Variants in C1QTNF3 observed in about 807,000 individuals in gnomAD.
The protein encoded by C1QTNF3 is complement C1q tumor necrosis factor-related protein 3.
C1QTNF3 carries 26 observed loss-of-function variants against 32.6 expected under a neutral mutation model. The ratio of observed to expected loss-of-function variants is 0.80; its 90% CI spans 0.58 to 1.11. The LOEUF (loss-of-function observed/expected upper bound fraction) is 1.11. Ranked by LOEUF, C1QTNF3 falls within the 50% of genes least tolerant of loss-of-function variation. The probability of loss-of-function intolerance (pLI) is 0.00; values close to 1 mark genes in which losing one functional copy is unlikely to be tolerated. For synonymous variants in C1QTNF3, 155 were observed against 146.0 expected (o/e 1.06, Z -0.44); for missense variants, 362 against 398.2 (o/e 0.91, Z 0.77).
At chr5:34,231,086 C>T in the C1QTNF3 span, among the ~76,000 whole-genome samples, 4 of 152,170 alleles carry the variant, frequency 2.6e-5, no homozygotes, top group Admixed American at 6.5e-5. Flanking sequence ...TCCTCTCACT[C>T]TTCCCTGCTG....
At chr5:34,189,810 G>A in the C1QTNF3 span, among the ~76,000 whole-genome samples, 4 of 152,170 alleles carry the variant, frequency 2.6e-5, no homozygotes, top group African/African-American at 7.2e-5. Context: ...GGATCTCCCC[G>A]TTGCTCCTGC....
At chr5:34,034,005 A>G (rs1330620986) in intron 2 of C1QTNF3, among the ~76,000 whole-genome samples, 1 of 152,174 alleles carries the variant, frequency 6.6e-6, no homozygotes, top group Non-Finnish European at 1.5e-5. Flanking sequence ...TTACAAAAAT[A>G]GAAATTAAAA....
the C1QTNF3 span, among the ~76,000 whole-genome samples, chr5:34,108,774 C>CA: frequency 1.4e-5 from 2 of 147,824 alleles, no homozygotes; most frequent in Non-Finnish European, 3.0e-5. Flanking sequence ...ACTAAAAGAA[C>CA]AATAATAAAA....
At chr5:34,107,559 TAATTAAGAAAATTAAG>T in the C1QTNF3 span, among the ~76,000 whole-genome samples, 2 of 151,966 alleles carry the variant, frequency 1.3e-5, no homozygotes, top group African/African-American at 2.4e-5. Context: ...AATTAATTAT[TAATTAAGAAAATTAAG>T]AATTAAGAAA....
the C1QTNF3 span, among the ~76,000 whole-genome samples, chr5:34,121,514 T>C: frequency 6.6e-6 from 1 of 152,112 alleles, no homozygotes; most frequent in Non-Finnish European, 1.5e-5. Context: ...AGAAGACTTA[T>C]TCACTATCAT....
intron 3 of C1QTNF3, among the ~76,000 whole-genome samples, chr5:34,029,238 A>G (rs892657797): frequency 2.0e-4 from 31 of 152,148 alleles, no homozygotes; most frequent in African/African-American, 7.2e-4. Flanking sequence ...GAGAAACCCT[A>G]TAGCCAAACA....
chr5:34,126,249 AG>A, the C1QTNF3 span, among the ~76,000 whole-genome samples: 2 of 151,994 alleles, frequency 1.3e-5, no homozygotes, highest in African/African-American at 4.8e-5. Flanking sequence ...CTGGAGTAAT[AG>A]GAAGTACACA....
chr5:34,205,673 C>T, the C1QTNF3 span, among the ~76,000 whole-genome samples: 1 of 150,998 alleles, frequency 6.6e-6, no homozygotes, highest in Non-Finnish European at 1.5e-5. Flanking sequence ...TATAAATTAC[C>T]TAGGATCAGG....
chr5:34,051,363 C>T, the C1QTNF3 span, among the ~76,000 whole-genome samples: 65 of 152,144 alleles, frequency 4.3e-4, no homozygotes, highest in African/African-American at 1.6e-3. Flanking sequence ...ACTTAATACT[C>T]TACATATCTG....
chr5:34,139,967 C>A, the C1QTNF3 span, among the ~76,000 whole-genome samples: 224 of 152,196 alleles, frequency 1.5e-3, 1 homozygote, highest in African/African-American at 5.0e-3. Flanking sequence ...AACAAAATGT[C>A]AATATTCATT....
At chr5:34,132,816 T>C in the C1QTNF3 span, among the ~76,000 whole-genome samples, 7 of 152,300 alleles carry the variant, frequency 4.6e-5, no homozygotes, top group South Asian at 1.4e-3. Flanking sequence ...GCTCTGTAAC[T>C]ACTACATTCA....
At chr5:34,230,666 T>C in the C1QTNF3 span, among the ~76,000 whole-genome samples, 11 of 152,330 alleles carry the variant, frequency 7.2e-5, no homozygotes, top group South Asian at 1.9e-3. Flanking sequence ...ATTTTACATA[T>C]AGCGTAAATC....
chr5:34,022,668 C>T (rs908537877), intron 5 of C1QTNF3, among the ~76,000 whole-genome samples: 2 of 152,196 alleles, frequency 1.3e-5, no homozygotes, highest in Admixed American at 6.5e-5. Flanking sequence ...ATTGGCACTG[C>T]AATTCCATGT....
chr5:34,103,893 C>A, the C1QTNF3 span, among the ~76,000 whole-genome samples: 5 of 151,862 alleles, frequency 3.3e-5, no homozygotes, highest in South Asian at 8.3e-4. Flanking sequence ...GAGTTACTTC[C>A]TGCATAGAGA....
chr5:34,121,385 C>T, the C1QTNF3 span, among the ~76,000 whole-genome samples: 1 of 152,082 alleles, frequency 6.6e-6, no homozygotes, highest in African/African-American at 2.4e-5. Context: ...AGGTACAGTT[C>T]CACATGGCTA....
the C1QTNF3 span, among the ~76,000 whole-genome samples, chr5:34,230,593 T>A: frequency 6.6e-6 from 1 of 152,336 alleles, no homozygotes; most frequent in South Asian, 2.1e-4. Flanking sequence ...AATATTGTCA[T>A]CTCAGCATAA....
chr5:34,141,214 G>C, the C1QTNF3 span, among the ~76,000 whole-genome samples: 2 of 152,038 alleles, frequency 1.3e-5, no homozygotes, highest in African/African-American at 4.8e-5. Context: ...CGCCTCCCAG[G>C]TTTAAGTGAT....
chr5:34,020,518 T>C lies in C1QTNF3; in HGVS notation c.*65A>G. 1 of 1,555,502 alleles carries C rather than the reference T, an allele frequency of 6.4e-7. No homozygotes were observed. Among genetic ancestry groups the C allele is most frequent in the East Asian group, 2.3e-5 (1 of 44,242 alleles). ...GTAAAACCCTCAACTTTAATGTTCC[T>C]CAGATCGTAACAAATCAGCTCAGCT... is the stretch of plus-strand genomic sequence containing the variant. On this transcript the variant is annotated 3_prime_UTR_variant, in exon 6 of 6. Coordinates refer to ENST00000382065, the MANE Select transcript of C1QTNF3 (RefSeq NM_181435.6).
At chr5:34,141,018 A>G in the C1QTNF3 span, among the ~76,000 whole-genome samples, 16 of 152,220 alleles carry the variant, frequency 1.1e-4, 1 homozygote, top group Admixed American at 1.0e-3. Context: ...TAGGACTGGC[A>G]TGACAAAGTA....
Sources: allele counts gnomAD v4.1 joint callset (sites outside exome capture counted in the v4.1 genomes callset), GRCh38; gene constraint gnomAD v4.1.1; transcripts MANE v1.5; gene names NCBI Gene and HGNC (gene_info 2026-07-23, HGNC 2026-07-21).